Variants in BTNL2 observed in about 807,000 individuals in gnomAD.
BTNL2 encodes butyrophilin like 2.
A neutral mutation model predicts 46.8 loss-of-function variants in BTNL2; 46 were observed. That is an observed-to-expected ratio of 0.98 (90% CI 0.78 to 1.26). BTNL2 has a LOEUF of 1.26. Among genes scored for constraint, BTNL2 ranks in the 50% most tolerant of loss-of-function variants. The pLI, the probability that BTNL2 is intolerant of heterozygous loss-of-function variation, is 0.00. For missense variants in BTNL2, 461 were observed against 592.6 expected (o/e 0.78, Z 2.31); for synonymous variants, 226 against 229.1 (o/e 0.99, Z 0.12).
rs1424125463 is a variant in BTNL2 at position 32,393,731 on chromosome 6, TC to T, written c.*6+231del. 2.2e-6 allele frequency: 1 copy of T among 445,390 alleles called. No individual in the cohort carries two copies. The highest frequency in any genetic ancestry group is 4.3e-5 in the Admixed American group (1 of 23,508). The allele number at this position is 445,390 out of a possible 1,614,324, so 27.6% of individuals were successfully genotyped here. A position where few individuals can be genotyped will look rare whatever the true frequency, so the allele number is the denominator to read the frequency against. The stretch of plus-strand genomic sequence containing the variant: ...GGGGAATGGGCAGCAGGAAATCAAA[TC>T]ATTATCTTTTAATCATTTTGCTTCT... On this transcript the variant is annotated intron_variant, in intron 7 of 7. Coordinates refer to ENST00000454136, the MANE Select transcript of BTNL2 (RefSeq NM_001304561.2). This position sits in a 1 kb window ranked among gnomAD's most constrained non-coding sequence, Gnocchi z 4.8.
chr6:32,396,502 A>G lies in BTNL2; in HGVS notation c.731-116T>C, dbSNP rs1413252966. ...CCATGAGCATCCCAGGGTTGCTGTG[A>G]GGCTCAGGGTCATCCTTAGGTGAGG... On this transcript the variant is annotated intron_variant, in intron 4 of 7. Transcript: ENST00000454136. This position sits in a 1 kb window ranked among gnomAD's most constrained non-coding sequence, Gnocchi z 4.4. 9.7e-7 allele frequency: 1 copy of G among 1,027,542 alleles called. No homozygotes were observed. Among genetic ancestry groups the G allele is most frequent in the Non-Finnish European group, 1.5e-6 (1 of 684,410 alleles). 63.7% of individuals were successfully genotyped at this position (1,027,542 alleles called of 1,614,324 possible).
rs576968213 is a variant in BTNL2, at chr6:32,399,600, G to A, written c.730+2185C>T. On this transcript the variant is annotated intron_variant, in intron 4 of 7. Coordinates refer to ENST00000454136, the MANE Select transcript of BTNL2 (RefSeq NM_001304561.2). This position sits in a 1 kb window ranked among gnomAD's most constrained non-coding sequence, Gnocchi z 5.2. ...TGTTAAGTTAGATAGATGTAGATTA[G>A]AAGGTAAACATCACCATTTCTTCCT... 1.2e-4 allele frequency among the ~76,000 whole-genome samples: 18 copies of A among 152,276 alleles called. No homozygotes were observed. The highest frequency in any genetic ancestry group is 3.9e-4 in the African/African-American group (16 of 41,550).
At position 32,405,259 on chromosome 6, in the gene BTNL2, T is replaced by A. The variant is rs1777059859; in HGVS notation, c.107A>T (p.His36Leu). ...SEDFRVIGPAHPILAGVGEDA... is the reference protein window; with the variant it reads ...SEDFRVIGPALPILAGVGEDA... ...TTCCCCAACCCCGGCCAGGATAGGA[T>A]GAGCAGGGCCAATGACTCTAAAGTC... is the stretch of plus-strand genomic sequence containing the variant. Residue 36 changes from histidine to leucine, a missense_variant, in exon 2 of 8, where the codon CAT (histidine) becomes CTT (leucine). By Grantham distance (99) the His-to-Leu change is moderately conservative. Transcript: ENST00000454136. The A allele has an allele frequency of 6.2e-7, 1 of 1,612,858 alleles. No homozygotes were observed. The highest frequency in any genetic ancestry group is 1.1e-5 in the South Asian group (1 of 91,080).
chr6:32,395,082 C>T, intron 5 of BTNL2, 57 bp from the exon 6 acceptor site: 1 of 1,491,714 alleles, frequency 6.7e-7, no homozygotes, highest in Non-Finnish European at 9.0e-7. Flanking sequence ...GAGTGGGCAG[C>T]AATTTCACTG....
At chr6:32,400,575 G>A (rs117919482) in intron 4 of BTNL2, among the ~76,000 whole-genome samples, 1,825 of 151,946 alleles carry the variant, frequency 0.012, 60 homozygotes, top group East Asian at 0.1. Flanking sequence ...TATCTCAGGT[G>A]CAGCAAAATA....
rs118048736 is a variant in BTNL2, at chr6:32,399,954, T to C, written c.730+1831A>G. On this transcript the variant is annotated intron_variant, in intron 4 of 7. Transcript: ENST00000454136. The surrounding 1 kb of genome is among the most constrained non-coding windows in gnomAD (Gnocchi z 5.2). ...AGCAAAGGGAAGCTCCATCTTTCCG[T>C]GTTGGTTAATTGTGGCCCCGGAGGT... Among the ~76,000 whole-genome samples, 2,647 of 152,174 alleles carry C rather than the reference T, an allele frequency of 0.017. 77 individuals are homozygous for C. Among genetic ancestry groups the C allele is most frequent in the East Asian group, 0.11 (555 of 5,152 alleles).
Position 32,396,258 on chromosome 6 carries a change from G to C in BTNL2, c.859C>G (p.Arg287Gly). ...SMEVRWDRSH[R>G]YPAVHVYMDG... is the part of the protein sequence containing the mutation. ...ATATACACATGCACAGCAGGGTAAC[G>C]GTGGGATCGGTCCCACCTCACCTCC... The change falls in exon 5 of 8, where the codon CGT becomes GGT. Residue 287 changes from arginine (R) to glycine (G), a missense_variant. By Grantham distance (125) the Arg-to-Gly change is moderately radical. Transcript: ENST00000454136. The surrounding 1 kb of genome is among the most constrained non-coding windows in gnomAD (Gnocchi z 4.4). The C allele has an allele frequency of 6.2e-7, 1 of 1,613,042 alleles. No individual in the cohort carries two copies. The highest frequency in any genetic ancestry group is 8.5e-7 in the Non-Finnish European group (1 of 1,180,016).
intron 1 of BTNL2, 164 bp downstream of exon 1, chr6:32,406,881 G>T (rs183660196): frequency 3.3e-6 from 2 of 602,254 alleles, no homozygotes; most frequent in East Asian, 5.2e-5. Flanking sequence ...TAGGAGTGGA[G>T]GAGCTCCTGG....
Position 32,403,094 on chromosome 6 carries a change from T to C in BTNL2, c.550A>G (p.Lys184Glu), listed in dbSNP as rs1198225671. 6.2e-7 allele frequency: 1 copy of C among 1,612,712 alleles called. No homozygotes were observed. The highest frequency in any genetic ancestry group is 8.5e-7 in the Non-Finnish European group (1 of 1,179,928). ...CGATGCTCAGACACGGCCAGCAGCT[T>C]CTCTCCCCGGATGTCTTCCCAATAC... ...QVYWEDIRGE[K>E]LLAVSEHRIQ... The change falls in exon 3 of 8, where the codon AAG (lysine) becomes GAG (glutamate). Residue 184 changes from lysine to glutamate, a missense_variant. By Grantham distance (56) the Lys-to-Glu change is moderately conservative (BLOSUM62 1). Coordinates refer to ENST00000454136, the MANE Select transcript of BTNL2 (RefSeq NM_001304561.2).
intron 4 of BTNL2, among the ~76,000 whole-genome samples, chr6:32,400,745 T>TAA (rs55703731): frequency 8.5e-5 from 7 of 82,160 alleles, no homozygotes; most frequent in African/African-American, 1.3e-4. Context: ...CCGTCTCTAC[T>TAA]AAAAAAAAAA....
intron 2 of BTNL2, among the ~76,000 whole-genome samples, chr6:32,403,987 A>G (rs1308841244): frequency 6.6e-6 from 1 of 152,194 alleles, no homozygotes; most frequent in East Asian, 1.9e-4. Context: ...TGTGTGACTT[A>G]TTTGTAAATG....
chr6:32,394,181 T>C lies in BTNL2; in HGVS notation c.1361-124A>G. ...GAGAATTTGGCCTCCCAGGAAGCAG[T>C]TGGCCTGCTCCTCCCTGCTCTGGAG... On this transcript the variant is annotated intron_variant, in intron 6 of 7. Transcript: ENST00000454136. The surrounding 1 kb of genome is among the most constrained non-coding windows in gnomAD (Gnocchi z 4.6). 3.7e-6 allele frequency: 5 copies of C among 1,355,940 alleles called. No homozygotes were observed. The highest frequency in any genetic ancestry group is 5.0e-6 in the Non-Finnish European group (5 of 1,007,064). 84.0% of individuals were successfully genotyped at this position (1,355,940 alleles called of 1,614,324 possible).
At chr6:32,405,400 G>A (rs1436782688) in intron 1 of BTNL2, 114 bp from the exon 2 acceptor site, 3 of 961,114 alleles carry the variant, frequency 3.1e-6, no homozygotes, top group Admixed American at 2.0e-5. Context: ...AGAGATATAT[G>A]TTTAATGTTT....
Position 32,394,156 on chromosome 6 carries a change from G to A in BTNL2, c.1361-99C>T, listed in dbSNP as rs1388096299. 4 of 1,488,392 alleles carry A rather than the reference G, an allele frequency of 2.7e-6. No homozygotes were observed. The highest frequency in any genetic ancestry group is 2.8e-5 in the African/African-American group (2 of 71,284). The allele number at this position is 1,488,392 out of a possible 1,614,324, so 92.2% of individuals were successfully genotyped here. ...CAGCTTCTAGGCTGGAGAGAAGGGA[G>A]AGAATTTGGCCTCCCAGGAAGCAGT... On this transcript the variant is annotated intron_variant, in intron 6 of 7. Transcript: ENST00000454136. The surrounding 1 kb of genome is among the most constrained non-coding windows in gnomAD (Gnocchi z 4.6).
chr6:32,401,997 A>G (rs1776816799), intron 3 of BTNL2, among the ~76,000 whole-genome samples, 192 bp from the exon 4 acceptor site: 2 of 152,114 alleles, frequency 1.3e-5, no homozygotes, highest in Admixed American at 1.3e-4. Flanking sequence ...TTTTCTCTGC[A>G]CAACAAAAAT....
At position 32,396,235 on chromosome 6, in the gene BTNL2, A is replaced by G; in HGVS notation, c.882T>C (p.Tyr294=). ...RSHRYPAVHV[Y]MDGDHVAGEQ... is the part of the protein sequence containing the mutation. ...CTCCAGCCACATGGTCCCCATCCAT[A>G]TACACATGCACAGCAGGGTAACGGT... is the stretch of plus-strand genomic sequence containing the variant. The change falls in exon 5 of 8, where the codon TAT becomes TAC. Residue 294 remains tyrosine, a synonymous_variant. Transcript: ENST00000454136. The surrounding 1 kb of genome is among the most constrained non-coding windows in gnomAD (Gnocchi z 4.4). 1 of 1,613,044 alleles carries G rather than the reference A, an allele frequency of 6.2e-7. No homozygotes were observed. The highest frequency in any genetic ancestry group is 8.5e-7 in the Non-Finnish European group (1 of 1,180,026).
intron 3 of BTNL2, among the ~76,000 whole-genome samples, 191 bp from the exon 4 acceptor site, chr6:32,401,996 C>A (rs1776816571): frequency 6.6e-6 from 1 of 152,088 alleles, no homozygotes; most frequent in African/African-American, 2.4e-5. Context: ...CTTTTCTCTG[C>A]ACAACAAAAA....
chr6:32,393,836 G>C lies in BTNL2; in HGVS notation c.*6+127C>G, dbSNP rs17202407. 9.7e-7 allele frequency: 1 copy of C among 1,027,848 alleles called. No individual in the cohort carries two copies. Among genetic ancestry groups the C allele is most frequent in the Non-Finnish European group, 1.3e-6 (1 of 767,996 alleles). 63.7% of individuals were successfully genotyped at this position (1,027,848 alleles called of 1,614,324 possible). ...AGCCCTGGGCTTTCCTGTTTCTCATGTTTCCTTAGTTACTGGATATTCACT... is the reference window on the plus strand; with the variant it reads ...AGCCCTGGGCTTTCCTGTTTCTCATCTTTCCTTAGTTACTGGATATTCACT... On this transcript the variant is annotated intron_variant, in intron 7 of 7. Transcript: ENST00000454136. This position sits in a 1 kb window ranked among gnomAD's most constrained non-coding sequence, Gnocchi z 4.8.
In BTNL2 at chr6:32,405,222, T is replaced by C; in HGVS notation, c.144A>G (p.Leu48=). The change falls in exon 2 of 8, where the codon TTA becomes TTG. Residue 48 remains leucine, a synonymous_variant. Coordinates refer to ENST00000454136, the MANE Select transcript of BTNL2 (RefSeq NM_001304561.2). ...ILAGVGEDAL[L]TCQLLPKRTT... ...TCCTCTTGGGGAGTAGCTGGCAGGTTAACAGGGCATCTTCCCCAACCCCGG... is the reference window on the plus strand; with the variant it reads ...TCCTCTTGGGGAGTAGCTGGCAGGTCAACAGGGCATCTTCCCCAACCCCGG... 11 of 1,612,970 alleles carry C rather than the reference T, an allele frequency of 6.8e-6. No individual in the cohort carries two copies. The highest frequency in any genetic ancestry group is 9.3e-6 in the Non-Finnish European group (11 of 1,180,010).
Sources: allele counts gnomAD v4.1 joint callset (sites outside exome capture counted in the v4.1 genomes callset), GRCh38; gene constraint gnomAD v4.1.1; non-coding constraint Gnocchi (gnomAD v3.1); transcripts MANE v1.5; gene names NCBI Gene and HGNC (gene_info 2026-07-23, HGNC 2026-07-21).